The following PRH1 variants were observed in gnomAD, a reference collection of about 807,000 sequenced individuals.
The protein encoded by PRH1 is proline rich protein HaeIII subfamily 1, also known as salivary acidic proline-rich phosphoprotein 1/2.
In PRH1, 7 loss-of-function variants were observed where a neutral mutation model predicts 7.9. That is an observed-to-expected ratio of 0.89 (90% CI 0.50 to 1.67). The LOEUF (loss-of-function observed/expected upper bound fraction) is 1.67, where lower values mean the gene tolerates loss of function less well. PRH1 is among the 40% of genes most tolerant of loss of function. The pLI is 0.00. For missense variants in PRH1, 109 were observed against 223.6 expected (o/e 0.49, Z 3.27); for synonymous variants, 45 against 80.8 (o/e 0.56, Z 2.38).
intron 1 of PRH1, among the ~76,000 whole-genome samples, chr12:10,991,980 G>A (rs7305587): frequency 0.3 from 46,114 of 151,800 alleles, 8,809 homozygotes; most frequent in East Asian, 0.73. Flanking sequence ...ATGGGTTGAT[G>A]GACCGATAGT....
chr12:10,897,080 G>A (rs1475658252), intron 2 of PRH1: 2 of 152,008 alleles, frequency 1.3e-5, no homozygotes, highest in Non-Finnish European at 1.5e-5. Context: ...ATTATCCCAC[G>A]TGAGCCCAGC....
intron 2 of PRH1, chr12:10,938,445 C>T: frequency 6.2e-7 from 1 of 1,614,064 alleles, no homozygotes; most frequent in Non-Finnish European, 8.5e-7. Context: ...TCCAACCTTT[C>T]AGAGGTCCAA....
At chr12:10,922,300 A>G (rs1248178833) in intron 2 of PRH1, among the ~76,000 whole-genome samples, 2 of 152,194 alleles carry the variant, frequency 1.3e-5, no homozygotes, top group Non-Finnish European at 2.9e-5. Flanking sequence ...TTTATAAAAC[A>G]TGTACTAATG....
chr12:11,018,659 A>C (rs1392287415), intron 1 of PRH1, among the ~76,000 whole-genome samples: 6 of 152,078 alleles, frequency 3.9e-5, no homozygotes, highest in Non-Finnish European at 5.9e-5. Flanking sequence ...CCAACGTGAC[A>C]CTTCATCTTT....
chr12:11,094,312 A>AAAAAAAAAAAAAC (rs1945022481), intron 1 of PRH1, among the ~76,000 whole-genome samples: 1 of 108,994 alleles, frequency 9.2e-6, no homozygotes, highest in African/African-American at 3.1e-5. Flanking sequence ...AAAAAAAAAA[A>AAAAAAAAAAAAAC]AAAAAAAAAA....
At chr12:10,887,184 C>T (rs141975556), upstream of PRH1, among the ~76,000 whole-genome samples, 1 of 152,274 alleles carries the variant, frequency 6.6e-6, no homozygotes, top group Non-Finnish European at 1.5e-5. Flanking sequence ...CTTCACCATG[C>T]TCTAGTTTGC....
At chr12:10,941,344 A>G (rs118010441) in intron 2 of PRH1, among the ~76,000 whole-genome samples, 3,010 of 152,316 alleles carry the variant, frequency 0.02, 34 homozygotes, top group South Asian at 0.031. Flanking sequence ...GAAAAAGAGC[A>G]GCAAAAATAA....
At chr12:10,882,065 A>C (rs548414325) in intron 3 of PRH1, among the ~76,000 whole-genome samples, 152 bp downstream of exon 3, 2 of 152,346 alleles carry the variant, frequency 1.3e-5, no homozygotes, top group African/African-American at 4.8e-5. Flanking sequence ...CAGGGTCTTG[A>C]TACTCTATAC....
chr12:10,892,424 G>C (rs1465172006), intron 2 of PRH1, among the ~76,000 whole-genome samples: 1 of 152,106 alleles, frequency 6.6e-6, no homozygotes, highest in Non-Finnish European at 1.5e-5. Flanking sequence ...TAGATTAAGA[G>C]ATGAGTCCAG....
intron 1 of PRH1, among the ~76,000 whole-genome samples, chr12:11,055,955 G>T (rs1329846726): frequency 6.6e-6 from 1 of 152,262 alleles, no homozygotes; most frequent in Non-Finnish European, 1.5e-5. Flanking sequence ...AAATCTCGTT[G>T]CTGCCAACTA....
intron 1 of PRH1, among the ~76,000 whole-genome samples, chr12:11,106,867 G>A (rs895686511): frequency 2.6e-5 from 4 of 151,830 alleles, no homozygotes. Flanking sequence ...TCTTCAGGTA[G>A]TCTTTATGAG....
chr12:10,969,519 T>C (rs569614996), intron 2 of PRH1, among the ~76,000 whole-genome samples: 3 of 152,232 alleles, frequency 2.0e-5, no homozygotes, highest in East Asian at 1.9e-4. Flanking sequence ...ATTTCATCAA[T>C]GACAACTTTA....
At chr12:11,158,414 AT>A (rs1221260524) in intron 1 of PRH1, among the ~76,000 whole-genome samples, 1 of 152,054 alleles carries the variant, frequency 6.6e-6, no homozygotes, top group African/African-American at 2.4e-5. Context: ...TGTATTTATA[AT>A]TTTTTGTTCA....
intron 1 of PRH1, among the ~76,000 whole-genome samples, chr12:11,162,264 T>C (rs1437215404): frequency 6.6e-6 from 1 of 152,162 alleles, no homozygotes. Context: ...CGACTCCACA[T>C]AGCCTATCAA....
chr12:11,092,099 G>A (rs1292535983), intron 1 of PRH1: 1 of 1,547,926 alleles, frequency 6.5e-7, no homozygotes, highest in East Asian at 2.2e-5. Context: ...AATTTGGTCA[G>A]CAAAGGAGAT....
At chr12:10,904,785 G>T (rs10845237) in intron 2 of PRH1, among the ~76,000 whole-genome samples, 2 of 151,904 alleles carry the variant, frequency 1.3e-5, no homozygotes, top group Middle Eastern at 3.4e-3. Context: ...ATGCAACAAG[G>T]GTCTAATATC....
intron 1 of PRH1, among the ~76,000 whole-genome samples, chr12:11,026,312 G>C (rs1423206396): frequency 6.6e-6 from 1 of 152,122 alleles, no homozygotes; most frequent in East Asian, 1.9e-4. Context: ...GCAGGCATGA[G>C]CCATCACATC....
intron 1 of PRH1, chr12:10,997,908 C>G (rs1393098944): frequency 2.1e-6 from 3 of 1,448,406 alleles, no homozygotes; most frequent in African/African-American, 2.8e-5. Context: ...AAAATTCAGG[C>G]CTAATGTCAC....
At chr12:11,070,316 A>C (rs1428171176) in intron 1 of PRH1, among the ~76,000 whole-genome samples, 1 of 152,164 alleles carries the variant, frequency 6.6e-6, no homozygotes, top group Non-Finnish European at 1.5e-5. Context: ...GCCTCAGGCA[A>C]GCATGTGTAC....
Sources: allele counts gnomAD v4.1 joint callset (sites outside exome capture counted in the v4.1 genomes callset), GRCh38; gene constraint gnomAD v4.1.1; transcripts MANE v1.5; gene names NCBI Gene and HGNC (gene_info 2026-07-23, HGNC 2026-07-21).